FSCN2: variants seen among roughly 807,000 people sequenced by gnomAD.
FSCN2 encodes the protein fascin-2.
A neutral mutation model predicts 37.8 loss-of-function variants in FSCN2; 46 were observed. That is an observed-to-expected ratio of 1.22 (90% CI 0.96 to 1.56). The LOEUF (loss-of-function observed/expected upper bound fraction) is 1.56. Ranked by LOEUF, FSCN2 falls within the 40% of genes most tolerant of loss-of-function variation. FSCN2 has a pLI of 0.00. For missense variants in FSCN2, 844 were observed against 730.4 expected, an observed-to-expected ratio of 1.16 and a Z score of -1.79; for synonymous variants, 351 against 309.4, an observed-to-expected ratio of 1.13 and a Z score of -1.41.
chr17:81,534,502 C>T (rs1413893052), intron 1 of FSCN2, among the ~76,000 whole-genome samples: 1 of 152,030 alleles, frequency 6.6e-6, no homozygotes, highest in Non-Finnish European at 1.5e-5. Context: ...TCCATCCCCT[C>T]GCAGGAACCC....
chr17:81,531,554 G>A (rs550194921), intron 1 of FSCN2, among the ~76,000 whole-genome samples: 82 of 130,950 alleles, frequency 6.3e-4, no homozygotes, highest in African/African-American at 1.6e-3. Context: ...TGGTGATGGC[G>A]ATGATGGTGA....
Position 81,537,061 on chromosome 17 carries a change from C to T in FSCN2, c.1460C>T (p.Thr487Ile), listed in dbSNP as rs1399764392. The T allele has an allele frequency of 6.8e-7, 1 of 1,462,408 alleles. No homozygotes were observed. 90.6% of individuals were successfully genotyped at this position (1,462,408 alleles called of 1,614,324 possible). The change falls in exon 5 of 5, where the codon ACC (threonine) becomes ATC (isoleucine). Residue 487 changes from threonine (T) to isoleucine (I), a missense_variant. Physicochemically the swap from Thr to Ile is moderately conservative, Grantham distance 89. Transcript: ENST00000417245. Reference protein sequence around the residue: ...LRADADAPAGTALWEY With the variant: ...LRADADAPAGIALWEY ...GCCGATGCCGACGCCCCGGCCGGGA[C>T]CGCGCTTTGGGAGTACTGAGGCCGC...
At chr17:81,517,426 C>T in the FSCN2 span, among the ~76,000 whole-genome samples, 131,676 of 152,228 alleles carry the variant, frequency 0.86, 57,044 homozygotes, top group East Asian at 0.92. Flanking sequence ...CTTGCCCTCC[C>T]GTGTGGACAG....
At position 81,529,044 on chromosome 17, in the gene FSCN2, G is replaced by C; in HGVS notation, c.513G>C (p.Val171=). The C allele has an allele frequency of 6.3e-7, 1 of 1,590,778 alleles. No homozygotes were observed. Among genetic ancestry groups the C allele is most frequent in the Middle Eastern group, 1.7e-4 (1 of 6,042 alleles). ...CAGACGGAGACAAGCCCTGGGGCGT[G>C]GACGCCCTCCTCACCCTCATCTTCC... The part of the protein sequence containing the change: ...MAADGDKPWG[V]DALLTLIFRS... The change falls in exon 1 of 5, where the codon GTG becomes GTC. Residue 171 remains valine, a synonymous_variant. Transcript: ENST00000417245.
intron 2 of FSCN2, among the ~76,000 whole-genome samples, chr17:81,535,647 TCCACCATCCCCATCTCCATCC>T (rs762639163): frequency 0.93 from 28,159 of 30,418 alleles, 13,226 homozygotes; most frequent in East Asian, 0.97. Context: ...CATTACCATC[TCCACCATCCCCATCTCCATCC>T]CCACCATCCC....
chr17:81,532,696 C>T lies in FSCN2; in HGVS notation c.827-2356C>T, dbSNP rs796684111. On this transcript the variant is annotated intron_variant, in intron 1 of 4. Transcript: ENST00000417245. ...ATGGTGATGATAGTGATGGTGATGG[C>T]GATAGTGATAGTGATGGTGGTGGTG... is the stretch of plus-strand genomic sequence containing the variant. 6.7e-3 allele frequency among the ~76,000 whole-genome samples: 615 copies of T among 91,240 alleles called. 6 individuals are homozygous for T. Among genetic ancestry groups the T allele is most frequent in the African/African-American group, 0.024 (545 of 22,672 alleles). 59.9% of individuals were successfully genotyped at this position (91,240 alleles called of 152,430 possible).
chr17:81,530,751 A>C (rs1264142688), intron 1 of FSCN2: 2 of 368,302 alleles, frequency 5.4e-6, no homozygotes, highest in African/African-American at 2.2e-5. Flanking sequence ...GAGCCCAGCC[A>C]TGGCTATGGG....
At chr17:81,532,647 GTGGTGA>G (rs1244492315) in intron 1 of FSCN2, among the ~76,000 whole-genome samples, 1 of 131,056 alleles carries the variant, frequency 7.6e-6, no homozygotes, top group Non-Finnish European at 1.5e-5. Context: ...GGTGATGATG[GTGGTGA>G]TGGTGATGAT....
chr17:81,528,003 G>A (rs192019030), upstream of FSCN2, among the ~76,000 whole-genome samples: 18 of 152,186 alleles, frequency 1.2e-4, no homozygotes, highest in East Asian at 7.7e-4. Context: ...TACGGGCGGC[G>A]ATCAGGTTGC....
chr17:81,537,015 G>C lies in FSCN2; in HGVS notation c.1414G>C (p.Gly472Arg), dbSNP rs908743048. The C allele has an allele frequency of 1.6e-5, 24 of 1,503,630 alleles. No homozygotes were observed. The highest frequency in any genetic ancestry group is 2.0e-5 in the Non-Finnish European group (23 of 1,132,864). 93.1% of individuals were successfully genotyped at this position (1,503,630 alleles called of 1,614,324 possible). The change falls in exon 5 of 5, where the codon GGC becomes CGC. Residue 472 changes from glycine (G) to arginine (R), a missense_variant. Gly to Arg is a moderately radical substitution (Grantham distance 125). Coordinates refer to ENST00000417245, the MANE Select transcript of FSCN2 (RefSeq NM_012418.4). ...RARSGKYLRG[G>R]ASGLLRADAD... Reference sequence around the variant, plus strand: ...CCGGAGCGGCAAGTACCTGCGCGGCGGCGCCTCGGGCCTGCTGCGGGCCGA... The same window carrying C: ...CCGGAGCGGCAAGTACCTGCGCGGCCGCGCCTCGGGCCTGCTGCGGGCCGA...
At chr17:81,519,377 T>TC in the FSCN2 span, among the ~76,000 whole-genome samples, 31 of 152,072 alleles carry the variant, frequency 2.0e-4, no homozygotes, top group African/African-American at 7.2e-4. Context: ...AGCACGCACT[T>TC]CCCCCGCCGA....
chr17:81,531,840 GTGGTGA>G (rs1568078286), intron 1 of FSCN2, among the ~76,000 whole-genome samples: 14 of 107,918 alleles, frequency 1.3e-4, no homozygotes, highest in African/African-American at 4.4e-4. Flanking sequence ...GGTGGTGATG[GTGGTGA>G]TGGTGATGGT....
At chr17:81,522,657 C>CTGTG in the FSCN2 span, among the ~76,000 whole-genome samples, 1 of 151,946 alleles carries the variant, frequency 6.6e-6, no homozygotes, top group Non-Finnish European at 1.5e-5. Context: ...GTATGTACAC[C>CTGTG]TGTGTGTGTG....
upstream of FSCN2, chr17:81,526,963 A>G (rs1287196770): frequency 1.3e-5 from 2 of 152,246 alleles, no homozygotes; most frequent in African/African-American, 2.4e-5. Flanking sequence ...CCTGGGGGGT[A>G]TTTGCATGTG....
Position 81,528,812 on chromosome 17 carries a change from C to A in FSCN2, c.281C>A (p.Pro94Gln), listed in dbSNP as rs962225638. 6.4e-7 allele frequency: 1 copy of A among 1,561,134 alleles called. No homozygotes were observed. Among genetic ancestry groups the A allele is most frequent in the Non-Finnish European group, 8.7e-7 (1 of 1,154,878 alleles). Residue 94 changes from proline (P) to glutamine (Q), a missense_variant, in exon 1 of 5, where the codon CCG becomes CAG. Coordinates refer to ENST00000417245, the MANE Select transcript of FSCN2 (RefSeq NM_012418.4). Reference sequence around the variant, plus strand: ...CGTGACTGCCGCTTCCTGGTCCTGCCGCAGCCAGATGGGCGCTGGGTGCTG... The same window carrying A: ...CGTGACTGCCGCTTCCTGGTCCTGCAGCAGCCAGATGGGCGCTGGGTGCTG... ...PGRDCRFLVLPQPDGRWVLRS... is the reference protein window; with the variant it reads ...PGRDCRFLVLQQPDGRWVLRS...
rs781817019 is a variant in FSCN2 at position 81,528,699 on chromosome 17, G to C, written c.168G>C (p.Thr56=). Residue 56 remains threonine, a synonymous_variant, in exon 1 of 5, where the codon ACG becomes ACC. Transcript: ENST00000417245. ...TGGAACCCGACCCAGGACAAGGCAC[G>C]GCTGTGCTGCTCCGCAGCAGCCACC... is the stretch of plus-strand genomic sequence containing the variant. The part of the protein sequence containing the change: ...WVLEPDPGQG[T]AVLLRSSHLG... 3 of 1,600,692 alleles carry C rather than the reference G, an allele frequency of 1.9e-6. No individual in the cohort carries two copies. The highest frequency in any genetic ancestry group is 2.7e-5 in the African/African-American group (2 of 74,712).
chr17:81,533,815 G>T (rs1162457629), intron 1 of FSCN2, among the ~76,000 whole-genome samples: 1 of 152,228 alleles, frequency 6.6e-6, no homozygotes, highest in Non-Finnish European at 1.5e-5. Flanking sequence ...TCTGAAGGGG[G>T]TGTGGGGCAA....
chr17:81,529,994 A>T (rs1568076030), intron 1 of FSCN2: 2 of 297,672 alleles, frequency 6.7e-6, no homozygotes, highest in Admixed American at 5.0e-5. Context: ...TATTTTTTAG[A>T]AGAGACGGGG....
At chr17:81,518,174 G>A in the FSCN2 span, among the ~76,000 whole-genome samples, 1 of 152,158 alleles carries the variant, frequency 6.6e-6, no homozygotes, top group Non-Finnish European at 1.5e-5. Flanking sequence ...CCACCGTCTG[G>A]CTGTTCCTTT....
Sources: gnomAD v4.1 joint callset for allele counts (sites outside exome capture counted in the v4.1 genomes callset) on GRCh38, gnomAD v4.1.1 for gene constraint, MANE v1.5 for transcripts, NCBI Gene and HGNC (gene_info 2026-07-23, HGNC 2026-07-21) for gene names.